Variants in IRAK1 observed in about 807,000 individuals in gnomAD.
IRAK1 encodes the protein interleukin 1 receptor associated kinase 1, also known as interleukin-1 receptor-associated kinase 1.
In IRAK1, 9 loss-of-function variants were observed where a neutral mutation model predicts 49.8. The ratio of observed to expected loss-of-function variants is 0.18; its 90% confidence interval spans 0.11 to 0.32. The LOEUF is 0.32. Among genes scored for constraint, IRAK1 ranks in the 10% least tolerant of loss-of-function variants. IRAK1 has a pLI of 1.00. For synonymous variants in IRAK1, 282 were observed against 270.8 expected, an observed-to-expected ratio of 1.04 and a Z score of -0.41; for missense variants, 418 against 600.5, an observed-to-expected ratio of 0.70 and a Z score of 3.18.
intron 9 of IRAK1, 126 bp downstream of exon 9, chrX:154,016,311 C>G (rs1395012382): frequency 1.5e-6 from 1 of 678,070 alleles, no homozygotes; most frequent in East Asian, 3.4e-5. Context: ...GGGAGGGGGA[C>G]CCTGGAGCTG....
chrX:154,018,474 G>C lies in IRAK1; in HGVS notation c.730-119C>G, dbSNP rs983945606. 1.3e-5 allele frequency: 12 copies of C among 895,402 alleles called. No individual in the cohort carries two copies. In the Admixed American group the frequency reaches 1.8e-4, roughly 14 times the overall value. 73.8% of individuals were successfully genotyped at this position (895,402 alleles called of 1,213,427 possible). On this transcript the variant is annotated intron_variant, in intron 5 of 13. Coordinates refer to ENST00000369980, the MANE Select transcript of IRAK1 (RefSeq NM_001569.4). ...ACCCGAGGCCCAGAACCACCAAGGG[G>C]CCAGGGACCCTACGCCAGAATGAGG...
At position 154,013,322 on chromosome X, in the gene IRAK1, T is replaced by C. The variant is rs2065714685; in HGVS notation, c.1651A>G (p.Thr551Ala). 1.7e-6 allele frequency: 2 copies of C among 1,207,655 alleles called. No homozygotes were observed. Among genetic ancestry groups the C allele is most frequent in the East Asian group, 5.9e-5 (2 of 33,831 alleles). The stretch of plus-strand genomic sequence containing the variant: ...GCAGCCCCACTGTGGGCTCTGCCAG[T>C]GCTGGACACGTAGGAGTTCTCCTGC... ...SPQENSYVSS[T>A]GRAHSGAAPW... Residue 551 changes from threonine to alanine, a missense_variant, in exon 12 of 14, where the codon ACT becomes GCT. Around this residue, in one of 3 missense-constraint regions of IRAK1, gnomAD observed 377 missense variants for 499.5 expected, o/e 0.75. Transcript: ENST00000369980.
At position 154,014,272 on chromosome X, in the gene IRAK1, G is replaced by A; in HGVS notation, c.1309C>T (p.Leu437=). The A allele has an allele frequency of 1.7e-6, 2 of 1,208,199 alleles. No individual in the cohort carries two copies. The highest frequency in any genetic ancestry group is 2.2e-6 in the Non-Finnish European group (2 of 894,345). ...GCCTCCTCAGCCTCCTCTTCCACCA[G>A]GTCTTTCTGTGGGATAAATACTGTC... ...HGARTKYLKD[L]VEEEAEEAGV... is the part of the protein sequence containing the mutation. Residue 437 remains leucine, a synonymous_variant, in exon 11 of 14, where the codon CTG becomes TTG. Transcript: ENST00000369980.
intron 2 of IRAK1, 31 bp from the exon 3 acceptor site, chrX:154,019,359 A>G: frequency 8.7e-7 from 1 of 1,144,275 alleles, no homozygotes; most frequent in South Asian, 2.1e-5. Flanking sequence ...AGGAAGGTTG[A>G]GGCCCGGGTG....
At position 154,016,935 on chromosome X, in the gene IRAK1, G is replaced by A; in HGVS notation, c.1028+14C>T. The A allele has an allele frequency of 8.8e-7, 1 of 1,139,196 alleles. No individual in the cohort carries two copies. Among genetic ancestry groups the A allele is most frequent in the African/African-American group, 1.8e-5 (1 of 56,560 alleles). 93.9% of individuals were successfully genotyped at this position (1,139,196 alleles called of 1,213,427 possible). A position where few individuals can be genotyped will look rare whatever the true frequency, so the allele number is the denominator to read the frequency against. ...CAGGCCCTGCCCCGGCAGTTCTCAA[G>A]GGCCCCTCCTCACCTCTTGATGTCT... On this transcript the variant is annotated intron_variant, in intron 8 of 13. Transcript: ENST00000369980.
At chrX:154,016,318 G>A in intron 9 of IRAK1, 119 bp downstream of exon 9, 1 of 709,829 alleles carries the variant, frequency 1.4e-6, no homozygotes, top group Non-Finnish European at 2.2e-6. Flanking sequence ...GGACCCTGGA[G>A]CTGCAGCCTC....
At chrX:154,016,807 G>C (rs2065741912) in intron 8 of IRAK1, 142 bp downstream of exon 8, 1 of 613,473 alleles carries the variant, frequency 1.6e-6, no homozygotes. Flanking sequence ...TCATCAGTAG[G>C]GCCCATCCTT....
At chrX:154,015,628 T>C (rs911689836) in intron 10 of IRAK1, among the ~76,000 whole-genome samples, 17 of 112,412 alleles carry the variant, frequency 1.5e-4, no homozygotes, top group Admixed American at 2.8e-4. Context: ...AGTAAGACCG[T>C]GAGGCAGCTC....
In IRAK1 at chrX:154,019,245, AGGCCTC is replaced by A. The variant is rs782316537; in HGVS notation, c.382_387del (p.Glu128_Ala129del). On this transcript the variant is annotated inframe_deletion, in exon 3 of 14. Transcript: ENST00000369980. ...GAGGATGGCAACTTCCGGGGGCTCC[AGGCCTC>A]GGCCTCGGCGGGTGCAGGGATGCTG... 1 of 1,208,282 alleles carries A rather than the reference AGGCCTC, an allele frequency of 8.3e-7. No homozygotes were observed. Among genetic ancestry groups the A allele is most frequent in the East Asian group, 3.0e-5 (1 of 33,753 alleles).
At chrX:154,016,377 C>G in intron 9 of IRAK1, 60 bp downstream of exon 9, 1 of 1,087,056 alleles carries the variant, frequency 9.2e-7, no homozygotes, top group African/African-American at 1.8e-5. Flanking sequence ...TCTGCAGCCC[C>G]CACCTCTGCC....
At position 154,011,806 on chromosome X, in the gene IRAK1, T is replaced by A; in HGVS notation, c.*53A>T. ...AGGACTCGTGCACCATGAGAACTTC[T>A]GACCATGAGAACTTTGACTTCCGGA... On this transcript the variant is annotated 3_prime_UTR_variant, in exon 14 of 14. Transcript: ENST00000369980. 1 of 1,131,079 alleles carries A rather than the reference T, an allele frequency of 8.8e-7. No homozygotes were observed. The highest frequency in any genetic ancestry group is 1.2e-6 in the Non-Finnish European group (1 of 821,304). 93.2% of individuals were successfully genotyped at this position (1,131,079 alleles called of 1,213,427 possible).
chrX:154,018,539 G>A (rs1041100613), intron 5 of IRAK1, 60 bp downstream of exon 5: 18 of 990,742 alleles, frequency 1.8e-5, no homozygotes, highest in Non-Finnish European at 1.8e-5. Flanking sequence ...GGAAAGGCTG[G>A]AGAAGTGGTG....
In IRAK1 at chrX:154,013,452, G is replaced by T; in HGVS notation, c.1540-19C>A. The T allele has an allele frequency of 8.6e-7, 1 of 1,159,976 alleles. No individual in the cohort carries two copies. The highest frequency in any genetic ancestry group is 2.0e-5 in the South Asian group (1 of 50,048). On this transcript the variant is annotated intron_variant, in intron 11 of 13. Coordinates refer to ENST00000369980, the MANE Select transcript of IRAK1 (RefSeq NM_001569.4). Reference sequence around the variant, plus strand: ...CGTACACCTGCAAGTGGAAAAGAGGGACTCTCAGGGTGAGATGGCAGCCCT... The same window carrying T: ...CGTACACCTGCAAGTGGAAAAGAGGTACTCTCAGGGTGAGATGGCAGCCCT...
Position 154,019,534 on chromosome X carries a change from G to A in IRAK1, c.201C>T (p.Ala67=). Residue 67 remains alanine, a synonymous_variant, in exon 2 of 14, where the codon GCC becomes GCT. Coordinates refer to ENST00000369980, the MANE Select transcript of IRAK1 (RefSeq NM_001569.4). ...GGTTGATCCAGGGCCACAGGACGCTGGCCGTGCGCTGCCCGGAGCGCTCGC... is the reference window on the plus strand; with the variant it reads ...GGTTGATCCAGGGCCACAGGACGCTAGCCGTGCGCTGCCCGGAGCGCTCGC... ...RLCERSGQRT[A]SVLWPWINRN... The A allele has an allele frequency of 8.5e-7, 1 of 1,180,677 alleles. No homozygotes were observed. Among genetic ancestry groups the A allele is most frequent in the Non-Finnish European group, 1.1e-6 (1 of 885,955 alleles).
chrX:154,014,454 G>T, intron 10 of IRAK1, 176 bp from the exon 11 acceptor site: 1 of 466,956 alleles, frequency 2.1e-6, no homozygotes, highest in Non-Finnish European at 3.6e-6. Flanking sequence ...TGATCCTCCC[G>T]CCTCAGCCTC....
Position 154,016,545 on chromosome X carries a change from G to A in IRAK1, c.1128C>T (p.Ser376=), listed in dbSNP as rs202203227. 1.3e-4 allele frequency: 163 copies of A among 1,210,952 alleles called. 1 individual carries two copies. In the Middle Eastern group the frequency reaches 8.1e-3, roughly 60 times the overall value. The stretch of plus-strand genomic sequence containing the variant: ...GCACTGTCTGTGTCCGGGCCACCAT[G>A]CTGCTCTGGCTGGGGCTGGACCCGG... ...RFAGSSPSQS[S]MVARTQTVRG... is the part of the protein sequence containing the mutation. The change falls in exon 9 of 14, where the codon AGC becomes AGT. Residue 376 remains serine, a synonymous_variant. Coordinates refer to ENST00000369980, the MANE Select transcript of IRAK1 (RefSeq NM_001569.4).
intron 5 of IRAK1, 63 bp downstream of exon 5, chrX:154,018,536 C>A (rs1569547804): frequency 1.0e-6 from 1 of 996,486 alleles, no homozygotes; most frequent in East Asian, 3.1e-5. Context: ...GGGGGAAAGG[C>A]TGGAGAAGTG....
chrX:154,018,376 T>C, intron 5 of IRAK1, 21 bp from the exon 6 acceptor site: 1 of 1,141,626 alleles, frequency 8.8e-7, no homozygotes, highest in Non-Finnish European at 1.2e-6. Context: ...CAGGGTGCGG[T>C]GGGGGAAGGG....
In IRAK1 at chrX:154,012,599, G is replaced by C; in HGVS notation, c.2010C>G (p.Val670=). Residue 670 remains valine, a synonymous_variant, in exon 13 of 14, where the codon GTC becomes GTG. Coordinates refer to ENST00000369980, the MANE Select transcript of IRAK1 (RefSeq NM_001569.4). The part of the protein sequence containing the change: ...IIINPARQKM[V]QKLALYEDGA... ...CATCCTCGTACAGGGCCAGCTTCTGGACCATCTTCTGTCGGGCAGGGTTGA... is the reference window on the plus strand; with the variant it reads ...CATCCTCGTACAGGGCCAGCTTCTGCACCATCTTCTGTCGGGCAGGGTTGA... 8.3e-7 allele frequency: 1 copy of C among 1,211,660 alleles called. No individual in the cohort carries two copies. Among genetic ancestry groups the C allele is most frequent in the Non-Finnish European group, 1.1e-6 (1 of 895,176 alleles).
Sources: allele counts gnomAD v4.1 joint callset (sites outside exome capture counted in the v4.1 genomes callset), GRCh38; gene constraint gnomAD v4.1.1; regional missense constraint gnomAD v4.1.1; transcripts MANE v1.5; gene names NCBI Gene and HGNC (gene_info 2026-07-23, HGNC 2026-07-21).